C19orf38: variants seen among roughly 807,000 people sequenced by gnomAD.
The protein encoded by C19orf38 is protein HIDE1.
In C19orf38, 14 loss-of-function variants were observed where a neutral mutation model predicts 26.6. The observed-to-expected ratio is 0.53, with a 90% CI of 0.35 to 0.82. The LOEUF (loss-of-function observed/expected upper bound fraction) is 0.82, where lower values mean the gene tolerates loss of function less well. Ranked by LOEUF, C19orf38 falls within the 40% of genes least tolerant of loss-of-function variation. C19orf38 has a pLI of 0.01. For synonymous variants in C19orf38, 132 were observed against 128.5 expected (o/e 1.03, Z -0.18); for missense variants, 261 against 299.5 (o/e 0.87, Z 0.95).
At chr19:10,856,198 G>A (rs1234982154) in intron 2 of C19orf38, 67 bp from the exon 3 acceptor site, 2 of 1,267,998 alleles carry the variant, frequency 1.6e-6, no homozygotes, top group Non-Finnish European at 2.2e-6. Flanking sequence ...GGTAAGGGCT[G>A]GCTACTCAAA....
chr19:10,841,959 A>T (rs903034695), intron 1 of C19orf38: 1 of 1,609,668 alleles, frequency 6.2e-7, no homozygotes, highest in African/African-American at 1.3e-5. Flanking sequence ...GCCAAGTGCC[A>T]TCTTCAAAAT....
intron 2 of C19orf38, among the ~76,000 whole-genome samples, chr19:10,851,649 A>G (rs546036634): frequency 1.0e-3 from 152 of 152,262 alleles, no homozygotes; most frequent in African/African-American, 3.3e-3. Flanking sequence ...CCTGGCCAAC[A>G]TGGTGAAACC....
chr19:10,850,166 C>T, intron 1 of C19orf38, 93 bp from the exon 2 acceptor site: 1 of 1,250,448 alleles, frequency 8.0e-7, no homozygotes, highest in Non-Finnish European at 1.1e-6. Flanking sequence ...AAACACAAGG[C>T]TGAGGGAGGG....
chr19:10,863,652 T>C (rs1432217223), intron 6 of C19orf38, among the ~76,000 whole-genome samples: 1 of 151,768 alleles, frequency 6.6e-6, no homozygotes, highest in Non-Finnish European at 1.5e-5. Context: ...CTGGGTGCGG[T>C]GACTCACGTC....
chr19:10,845,363 A>G (rs1415873646), upstream of C19orf38, among the ~76,000 whole-genome samples: 7 of 152,190 alleles, frequency 4.6e-5, no homozygotes, highest in Non-Finnish European at 1.0e-4. Context: ...TTGAAATTAT[A>G]TGACCACAAA....
upstream of C19orf38, among the ~76,000 whole-genome samples, chr19:10,844,832 A>G (rs2146243201): frequency 7.3e-6 from 1 of 136,502 alleles, no homozygotes; most frequent in Non-Finnish European, 1.6e-5. Flanking sequence ...TGGGCGACAG[A>G]GCGAGATTCC....
At chr19:10,857,292 G>GTA (rs1355276048) in intron 3 of C19orf38, among the ~76,000 whole-genome samples, 10 of 115,794 alleles carry the variant, frequency 8.6e-5, no homozygotes, top group South Asian at 5.6e-4. Context: ...GTGTGTGTAT[G>GTA]TATATATATA....
In C19orf38 at chr19:10,869,491, C is replaced by T. The variant is rs1599676340; in HGVS notation, c.*124C>T. The T allele has an allele frequency of 7.6e-7, 1 of 1,323,168 alleles. No homozygotes were observed. The highest frequency in any genetic ancestry group is 1.0e-6 in the Non-Finnish European group (1 of 997,666). 82.0% of individuals were successfully genotyped at this position (1,323,168 alleles called of 1,614,324 possible). A position where few individuals can be genotyped will look rare whatever the true frequency, so the allele number is the denominator to read the frequency against. The stretch of plus-strand genomic sequence containing the variant: ...ATTGGACAGAGGAAAGGAAGGGGAA[C>T]CCTGGCCTTGGGATTTTCATCACAG... On this transcript the variant is annotated 3_prime_UTR_variant, in exon 7 of 7. Transcript: ENST00000397820.
At position 10,859,842 on chromosome 19, in the gene C19orf38, G is replaced by C. The variant is rs372286534; in HGVS notation, c.462-73G>C. 73 of 1,416,356 alleles carry C rather than the reference G, an allele frequency of 5.2e-5. 3 individuals carry two copies. The African/African-American group carries it at 7.4e-4, about 14-fold the overall frequency. The allele number at this position is 1,416,356 out of a possible 1,614,324, so 87.7% of individuals were successfully genotyped here. ...ATTTTGGGTGTGGTTTGGGGCCAGGGCTTTCCCGATCAAGCCTCCTGACTC... is the reference window on the plus strand; with the variant it reads ...ATTTTGGGTGTGGTTTGGGGCCAGGCCTTTCCCGATCAAGCCTCCTGACTC... On this transcript the variant is annotated intron_variant, in intron 4 of 6. Transcript: ENST00000397820.
chr19:10,843,426 C>A (rs1440859302), upstream of C19orf38, among the ~76,000 whole-genome samples: 1 of 152,226 alleles, frequency 6.6e-6, no homozygotes, highest in African/African-American at 2.4e-5. Context: ...CTTCCCTGAC[C>A]CTGCTGTAGC....
At chr19:10,842,226 C>A in intron 1 of C19orf38, 4 of 1,227,268 alleles carry the variant, frequency 3.3e-6, no homozygotes, top group South Asian at 1.2e-5. Flanking sequence ...ATGACTACCA[C>A]AGAACCATCT....
At chr19:10,846,595 TC>T (rs1278190805), upstream of C19orf38, among the ~76,000 whole-genome samples, 1 of 151,860 alleles carries the variant, frequency 6.6e-6, no homozygotes, top group Non-Finnish European at 1.5e-5. Flanking sequence ...TTTGAAAAGA[TC>T]AATAACAATG....
intron 3 of C19orf38, among the ~76,000 whole-genome samples, chr19:10,857,864 G>T (rs1050143543): frequency 6.7e-6 from 1 of 150,242 alleles, no homozygotes; most frequent in African/African-American, 2.4e-5. Context: ...CTGGGCGACA[G>T]AACGAGACTC....
At position 10,850,540 on chromosome 19, in the gene C19orf38, A is replaced by C. The variant is rs1363087500; in HGVS notation, c.313A>C (p.Ser105Arg). The change falls in exon 2 of 7, where the codon AGC becomes CGC. Residue 105 changes from serine to arginine, a missense_variant. Coordinates refer to ENST00000397820, the MANE Select transcript of C19orf38 (RefSeq NM_001136482.3). The stretch of plus-strand genomic sequence containing the variant: ...CAACCAGTCCCAGCTGTCAGACCTC[A>C]GCGAGCCCGTGAACGTCTCCTTCCC... ...ELNQSQLSDL[S>R]EPVNVSFPVP... The C allele has an allele frequency of 6.4e-7, 1 of 1,551,500 alleles. No homozygotes were observed. The highest frequency in any genetic ancestry group is 2.4e-5 in the East Asian group (1 of 40,914).
intron 5 of C19orf38, 52 bp downstream of exon 5, chr19:10,860,010 A>G (rs965286490): frequency 1.2e-5 from 18 of 1,501,168 alleles, no homozygotes; most frequent in Non-Finnish European, 1.5e-5. Flanking sequence ...ACACCTCCAA[A>G]TGCCATCAGG....
chr19:10,863,222 T>A lies in C19orf38; in HGVS notation c.543+15T>A. ...CCGTCTCCGCGGTGAGTGGTTCTTT[T>A]TCTTGGAACCGGTTTTCTGCTGACC... On this transcript the variant is annotated intron_variant, in intron 6 of 6. Coordinates refer to ENST00000397820, the MANE Select transcript of C19orf38 (RefSeq NM_001136482.3). The A allele has an allele frequency of 6.4e-7, 1 of 1,550,426 alleles. No individual in the cohort carries two copies. Among genetic ancestry groups the A allele is most frequent in the Non-Finnish European group, 8.7e-7 (1 of 1,145,968 alleles).
chr19:10,843,204 G>A (rs2073491787), intron 1 of C19orf38, among the ~76,000 whole-genome samples: 1 of 152,176 alleles, frequency 6.6e-6, no homozygotes, highest in South Asian at 2.1e-4. Context: ...GAAAGGGTAG[G>A]TATATGCAAA....
In C19orf38 at chr19:10,866,856, G is replaced by A. The variant is rs1017986530; in HGVS notation, c.544-2362G>A. On this transcript the variant is annotated intron_variant, in intron 6 of 6. Coordinates refer to ENST00000397820, the MANE Select transcript of C19orf38 (RefSeq NM_001136482.3). ...GGGTTTCACCATGTTGGCCTGGCTC[G>A]TCTTGAACTCCTGACCTCAGGTGAT... 1.2e-4 allele frequency among the ~76,000 whole-genome samples: 18 copies of A among 152,068 alleles called. 1 individual carries two copies. Among genetic ancestry groups the A allele is most frequent in the Middle Eastern group, 3.4e-3 (1 of 294 alleles).
In C19orf38 at chr19:10,869,456, T is replaced by C. The variant is rs1426345191; in HGVS notation, c.*89T>C. On this transcript the variant is annotated 3_prime_UTR_variant, in exon 7 of 7. Transcript: ENST00000397820. ...TTCTGGGGGGGCTCTGTCAGCCACT[T>C]TCTCAGGGAATTGGACAGAGGAAAG... 1 of 1,425,278 alleles carries C rather than the reference T, an allele frequency of 7.0e-7. No individual in the cohort carries two copies. The highest frequency in any genetic ancestry group is 1.4e-5 in the African/African-American group (1 of 69,038). The allele number at this position is 1,425,278 out of a possible 1,614,324, so 88.3% of individuals were successfully genotyped here. A position where few individuals can be genotyped will look rare whatever the true frequency, so the allele number is the denominator to read the frequency against.
Sources: allele counts gnomAD v4.1 joint callset (sites outside exome capture counted in the v4.1 genomes callset), GRCh38; gene constraint gnomAD v4.1.1; transcripts MANE v1.5; gene names NCBI Gene and HGNC (gene_info 2026-07-23, HGNC 2026-07-21).